ICE1: variants seen among roughly 807,000 people sequenced by gnomAD.
ICE1 encodes interactor of little elongation complex ELL subunit 1.
A neutral mutation model predicts 192.7 loss-of-function variants in ICE1; 64 were observed. The ratio of observed to expected loss-of-function variants is 0.33; its 90% CI spans 0.27 to 0.41. The LOEUF is 0.41. Ranked by LOEUF, ICE1 falls within the 10% of genes least tolerant of loss-of-function variation. The pLI is 1.00. For missense variants in ICE1, 2,708 were observed against 2,696.0 expected (o/e 1.00, Z -0.10); for synonymous variants, 1,010 against 984.5 (o/e 1.03, Z -0.49).
chr5:5,465,255 T>G, intron 13 of ICE1, 29 bp downstream of exon 13: 1 of 1,444,374 alleles, frequency 6.9e-7, no homozygotes. Context: ...CTAAGTGCAT[T>G]AGGGATTACA....
chr5:5,457,429 G>A lies in ICE1; in HGVS notation c.789G>A (p.Gln263=). The A allele has an allele frequency of 6.2e-7, 1 of 1,613,792 alleles. No homozygotes were observed. The highest frequency in any genetic ancestry group is 1.3e-5 in the African/African-American group (1 of 75,010). Residue 263 remains glutamine, a synonymous_variant, in exon 12 of 19, where the codon CAG becomes CAA. Coordinates refer to ENST00000296564, the MANE Select transcript of ICE1 (RefSeq NM_015325.3). ...QGSPLRTSNV[Q]TCLTKLSMEI... ...GCCCTCTCAGGACCTCAAATGTGCA[G>A]ACATGCCTCACAAAACTGTCCATGG...
chr5:5,423,344 C>T (rs1344640009), intron 1 of ICE1, among the ~76,000 whole-genome samples: 3 of 152,084 alleles, frequency 2.0e-5, no homozygotes, highest in South Asian at 4.1e-4. Flanking sequence ...ACAGGTGAAA[C>T]GCCGAGGGCA....
intron 1 of ICE1, among the ~76,000 whole-genome samples, chr5:5,433,069 C>T (rs1206534132): frequency 6.6e-6 from 1 of 152,116 alleles, no homozygotes. Flanking sequence ...AAGGTATTTC[C>T]CTTCTTCTTC....
At chr5:5,476,367 C>T (rs778965104) in intron 17 of ICE1, among the ~76,000 whole-genome samples, 8 of 152,074 alleles carry the variant, frequency 5.3e-5, no homozygotes, top group East Asian at 1.9e-4. Context: ...ATATATAAGT[C>T]GCTATAAATT....
In ICE1 at chr5:5,427,089, T is replaced by G. The variant is rs555875000; in HGVS notation, c.84+4090T>G. ...TCCTTTCATTTCTTAATCCTCCCTG[T>G]CCTTTTTTTCTTTAGTTGTTGAAGA... is the stretch of plus-strand genomic sequence containing the variant. On this transcript the variant is annotated intron_variant, in intron 1 of 18. Coordinates refer to ENST00000296564, the MANE Select transcript of ICE1 (RefSeq NM_015325.3). 3.3e-5 allele frequency among the ~76,000 whole-genome samples: 5 copies of G among 152,364 alleles called. No homozygotes were observed. The South Asian group carries it at 1.0e-3, about 32-fold the overall frequency.
chr5:5,422,839 G>T lies in ICE1; in HGVS notation c.-77G>T. ...GGCCTGGCAGGCGGCGGCCCCGGCG[G>T]CATCAGCAGAGACAGGACGGGGCCG... On this transcript the variant is annotated 5_prime_UTR_variant, in exon 1 of 19. Coordinates refer to ENST00000296564, the MANE Select transcript of ICE1 (RefSeq NM_015325.3). 9.2e-7 allele frequency: 1 copy of T among 1,087,306 alleles called. No individual in the cohort carries two copies. Among genetic ancestry groups the T allele is most frequent in the Non-Finnish European group, 1.2e-6 (1 of 857,362 alleles). The allele number at this position is 1,087,306 out of a possible 1,614,324, so 67.4% of individuals were successfully genotyped here. A position where few individuals can be genotyped will look rare whatever the true frequency, so the allele number is the denominator to read the frequency against.
chr5:5,443,702 AG>A (rs1315475549), intron 6 of ICE1, among the ~76,000 whole-genome samples: 1 of 152,222 alleles, frequency 6.6e-6, no homozygotes, highest in Non-Finnish European at 1.5e-5. Context: ...ATTCATAAAA[AG>A]GGCTGTTCAG....
intron 7 of ICE1, among the ~76,000 whole-genome samples, chr5:5,446,355 T>G (rs937650852): frequency 4.6e-5 from 7 of 152,132 alleles, no homozygotes; most frequent in African/African-American, 1.7e-4. Flanking sequence ...AGTACAGTGG[T>G]GCAGTCATGG....
intron 1 of ICE1, among the ~76,000 whole-genome samples, chr5:5,434,275 T>C (rs893546285): frequency 6.6e-6 from 1 of 152,154 alleles, no homozygotes; most frequent in Non-Finnish European, 1.5e-5. Flanking sequence ...AAGACACCTG[T>C]TATTACCCTT....
intron 17 of ICE1, among the ~76,000 whole-genome samples, chr5:5,480,950 A>C (rs1739486200): frequency 6.6e-6 from 1 of 152,216 alleles, no homozygotes; most frequent in Non-Finnish European, 1.5e-5. Context: ...GTACAGGTTC[A>C]AAACTGTTTT....
rs536249968 is a variant in ICE1, at chr5:5,441,582, G to A, written c.309+359G>A. The stretch of plus-strand genomic sequence containing the variant: ...AAAAATTCAAACTTTAAATGTAGAG[G>A]AATCGTTGTACATAAGAGAGAGGGA... On this transcript the variant is annotated intron_variant, in intron 5 of 18. Coordinates refer to ENST00000296564, the MANE Select transcript of ICE1 (RefSeq NM_015325.3). 5.3e-5 allele frequency among the ~76,000 whole-genome samples: 8 copies of A among 152,284 alleles called. No homozygotes were observed. In the South Asian group the frequency reaches 1.5e-3, roughly 28 times the overall value.
chr5:5,480,177 A>G (rs1305287948), intron 17 of ICE1, among the ~76,000 whole-genome samples: 2 of 151,516 alleles, frequency 1.3e-5, no homozygotes, highest in East Asian at 1.9e-4. Flanking sequence ...GCTTCATCCA[A>G]TTTCTGCATT....
intron 15 of ICE1, 103 bp from the exon 16 acceptor site, chr5:5,473,455 A>G (rs1739223390): frequency 4.2e-6 from 4 of 963,558 alleles, no homozygotes; most frequent in East Asian, 2.6e-5. Flanking sequence ...TTTCAGATTA[A>G]ATGATTAGTC....
chr5:5,485,511 C>G (rs1000493303), intron 17 of ICE1, among the ~76,000 whole-genome samples: 2 of 152,146 alleles, frequency 1.3e-5, no homozygotes, highest in African/African-American at 4.8e-5. Context: ...TTTTCAAATA[C>G]GGATATTCTT....
chr5:5,425,963 A>T (rs150052490), intron 1 of ICE1, among the ~76,000 whole-genome samples: 1,617 of 152,344 alleles, frequency 0.011, 17 homozygotes, highest in Non-Finnish European at 0.018. Context: ...TCAAATGACC[A>T]TGAGAACTGT....
At position 5,464,183 on chromosome 5, in the gene ICE1, TCTC is replaced by T; in HGVS notation, c.4852_4854del (p.Pro1618del). 6.2e-7 allele frequency: 1 copy of T among 1,613,704 alleles called. No individual in the cohort carries two copies. The highest frequency in any genetic ancestry group is 8.5e-7 in the Non-Finnish European group (1 of 1,179,860). On this transcript the variant is annotated inframe_deletion, in exon 13 of 19. Coordinates refer to ENST00000296564, the MANE Select transcript of ICE1 (RefSeq NM_015325.3). The surrounding 1 kb of genome is among the most constrained non-coding windows in gnomAD (Gnocchi z 4.0). ...TGATACATCCACTCCTACAGATTGT[TCTC>T]CTGACACACTGAGTAAAATACGGCA...
rs745348137 is a variant in ICE1, at chr5:5,461,061, C to G, written c.1727C>G (p.Pro576Arg). ...WTRINEITSE[P>R]DRITVSGHFH... ...CGAATTAATGAAATCACTTCTGAAC[C>G]AGACCGTATCACAGTTTCTGGCCAT... Residue 576 changes from proline (P) to arginine (R), a missense_variant, in exon 13 of 19, where the codon CCA becomes CGA. Transcript: ENST00000296564. The G allele has an allele frequency of 1.9e-6, 3 of 1,614,040 alleles. No homozygotes were observed.
At chr5:5,446,010 C>T (rs1393381945) in intron 7 of ICE1, among the ~76,000 whole-genome samples, 4 of 150,940 alleles carry the variant, frequency 2.7e-5, no homozygotes, top group African/African-American at 4.9e-5. Context: ...TGAGTCACCG[C>T]GCCTGGCCCA....
At chr5:5,458,735 A>C (rs1430009405) in intron 12 of ICE1, among the ~76,000 whole-genome samples, 2 of 152,170 alleles carry the variant, frequency 1.3e-5, no homozygotes, top group Non-Finnish European at 2.9e-5. Flanking sequence ...TCTTTGATGA[A>C]TCCAAAGACA....
Sources: gnomAD v4.1 joint callset for allele counts (sites outside exome capture counted in the v4.1 genomes callset) on GRCh38, gnomAD v4.1.1 for gene constraint, Gnocchi (gnomAD v3.1) non-coding constraint, MANE v1.5 for transcripts, NCBI Gene and HGNC (gene_info 2026-07-23, HGNC 2026-07-21) for gene names.